The following TNFAIP6 variants were observed in gnomAD, a reference collection of about 807,000 sequenced individuals.
TNFAIP6 encodes tumor necrosis factor-inducible gene 6 protein.
In TNFAIP6, 36 loss-of-function variants were observed where a neutral mutation model predicts 33.7. That is an observed-to-expected ratio of 1.07 (90% CI 0.82 to 1.41). The LOEUF is 1.41. TNFAIP6 is among the 40% of genes most tolerant of loss of function. TNFAIP6 has a pLI of 0.00. For synonymous variants in TNFAIP6, 113 were observed against 112.8 expected (o/e 1.00, Z -0.01); for missense variants, 273 against 331.9 (o/e 0.82, Z 1.38).
chr2:151,363,861 A>G, intron 1 of TNFAIP6, 82 bp from the exon 2 acceptor site: 1 of 1,529,886 alleles, frequency 6.5e-7, no homozygotes, highest in South Asian at 1.2e-5. Context: ...AGCTGTTGTA[A>G]TCTTCCAGCT....
chr2:151,370,610 TACTTATTA>T (rs1320821589), intron 4 of TNFAIP6, among the ~76,000 whole-genome samples: 2 of 152,134 alleles, frequency 1.3e-5, no homozygotes, highest in African/African-American at 2.4e-5. Flanking sequence ...GACTATAACA[TACTTATTA>T]AAGTAGTGAG....
intron 5 of TNFAIP6, among the ~76,000 whole-genome samples, chr2:151,375,125 CAAAAAAAAAAAA>C (rs71403161): frequency 2.5e-5 from 2 of 78,932 alleles, no homozygotes; most frequent in Non-Finnish European, 4.6e-5. Flanking sequence ...AACTCCGTCT[CAAAAAAAAAAAA>C]AAAAAAAAAG....
At chr2:151,372,316 G>A (rs1018382390) in intron 4 of TNFAIP6, 5 of 152,056 alleles carry the variant, frequency 3.3e-5, no homozygotes, top group Non-Finnish European at 7.4e-5. Flanking sequence ...GTCTTTAGGA[G>A]GTTTGAACAG....
At chr2:151,366,310 A>C (rs1219694555) in intron 3 of TNFAIP6, 93 bp downstream of exon 3, 5 of 1,201,490 alleles carry the variant, frequency 4.2e-6, no homozygotes, top group East Asian at 2.5e-5. Context: ...TTCCAGAAAT[A>C]ATTGATTTTG....
At chr2:151,362,213 G>A (rs549310475) in intron 1 of TNFAIP6, among the ~76,000 whole-genome samples, 232 of 152,234 alleles carry the variant, frequency 1.5e-3, no homozygotes, top group African/African-American at 5.4e-3. Flanking sequence ...TTCTATGGTA[G>A]AAGGGACTCC....
chr2:151,361,659 C>G (rs555964359), intron 1 of TNFAIP6, among the ~76,000 whole-genome samples: 14 of 152,324 alleles, frequency 9.2e-5, no homozygotes, highest in African/African-American at 3.4e-4. Context: ...AAAATATTCA[C>G]TAGTGTCCAA....
At chr2:151,375,996 A>T (rs892012985) in intron 5 of TNFAIP6, among the ~76,000 whole-genome samples, 1 of 152,194 alleles carries the variant, frequency 6.6e-6, no homozygotes, top group Non-Finnish European at 1.5e-5. Context: ...CTGTAATTCT[A>T]GCATTTTGTG....
rs753174763 is a variant in TNFAIP6, at chr2:151,366,109, A to G, written c.286A>G (p.Ile96Val). Residue 96 changes from isoleucine (I) to valine (V), a missense_variant, in exon 3 of 6, where the codon ATT becomes GTT. By Grantham distance (29) the Ile-to-Val change is conservative. Transcript: ENST00000243347. ...WMAKGRVGYP[I>V]VKPGPNCGFG... ...GGCTAAGGGCAGAGTTGGATACCCC[A>G]TTGTGAAGCCAGGGCCCAACTGTGG... is the stretch of plus-strand genomic sequence containing the variant. 2.5e-6 allele frequency: 4 copies of G among 1,614,126 alleles called. No individual in the cohort carries two copies. In the South Asian group the frequency reaches 3.3e-5, roughly 13 times the overall value.
At chr2:151,363,037 C>T (rs981315478) in intron 1 of TNFAIP6, among the ~76,000 whole-genome samples, 5 of 152,108 alleles carry the variant, frequency 3.3e-5, no homozygotes, top group Admixed American at 6.5e-5. Flanking sequence ...TATTTTAGGC[C>T]GGACACGGAG....
At chr2:151,363,495 TA>T (rs11367357) in intron 1 of TNFAIP6, among the ~76,000 whole-genome samples, 130,542 of 140,028 alleles carry the variant, frequency 0.93, 61,160 homozygotes, top group Non-Finnish European at 0.99. Context: ...GTCGCTACTT[TA>T]AAAAAAAAAA....
At chr2:151,376,788 C>A (rs1266781669) in intron 5 of TNFAIP6, among the ~76,000 whole-genome samples, 2 of 151,336 alleles carry the variant, frequency 1.3e-5, no homozygotes, top group African/African-American at 2.4e-5. Flanking sequence ...CATTTTAAAA[C>A]CTCTGTCTTT....
rs552624698 is a variant in TNFAIP6 at position 151,379,616 on chromosome 2, C to A, written c.*83C>A. ...CCTTTGATCTCACTGTTATTATTAA[C>A]ATTTATTTATTATTTTTCTAAATGT... On this transcript the variant is annotated 3_prime_UTR_variant, in exon 6 of 6. Transcript: ENST00000243347. 1.0e-5 allele frequency: 10 copies of A among 973,030 alleles called. No individual in the cohort carries two copies. The South Asian group carries it at 3.5e-4, about 34-fold the overall frequency. 60.3% of individuals were successfully genotyped at this position (973,030 alleles called of 1,614,324 possible). A position where few individuals can be genotyped will look rare whatever the true frequency, so the allele number is the denominator to read the frequency against.
chr2:151,366,698 G>C (rs1308562125), intron 3 of TNFAIP6, among the ~76,000 whole-genome samples: 1 of 152,174 alleles, frequency 6.6e-6, no homozygotes, highest in Non-Finnish European at 1.5e-5. Context: ...GGGAAAAGGA[G>C]ACAAAGTAAA....
At chr2:151,365,041 C>A (rs1369602512) in intron 2 of TNFAIP6, among the ~76,000 whole-genome samples, 1 of 152,274 alleles carries the variant, frequency 6.6e-6, no homozygotes. Flanking sequence ...GAGAATTTAT[C>A]TTTATTCAAA....
At chr2:151,367,681 G>T (rs1177342050) in intron 3 of TNFAIP6, among the ~76,000 whole-genome samples, 1 of 152,104 alleles carries the variant, frequency 6.6e-6, no homozygotes, top group Non-Finnish European at 1.5e-5. Context: ...CAGAGAGGCT[G>T]AATACACTCT....
chr2:151,359,738 A>C (rs1346032471), intron 1 of TNFAIP6, among the ~76,000 whole-genome samples: 1 of 152,178 alleles, frequency 6.6e-6, no homozygotes, highest in Non-Finnish European at 1.5e-5. Context: ...GTTGGGCCAC[A>C]TTCAAAGCCG....
intron 1 of TNFAIP6, among the ~76,000 whole-genome samples, chr2:151,363,517 C>T (rs1209398505): frequency 6.6e-6 from 1 of 150,922 alleles, no homozygotes; most frequent in Non-Finnish European, 1.5e-5. Context: ...AAAAAATTAG[C>T]CAGGCGTGAT....
Position 151,379,652 on chromosome 2 carries a change from C to T in TNFAIP6, c.*119C>T. On this transcript the variant is annotated 3_prime_UTR_variant, in exon 6 of 6. Coordinates refer to ENST00000243347, the MANE Select transcript of TNFAIP6 (RefSeq NM_007115.4). Reference sequence around the variant, plus strand: ...TATTTTTCTAAATGTGAAAGCAATACATAATTTAGGGAAAATTGGAAAATA... The same window carrying T: ...TATTTTTCTAAATGTGAAAGCAATATATAATTTAGGGAAAATTGGAAAATA... 1.2e-6 allele frequency: 1 copy of T among 823,702 alleles called. No individual in the cohort carries two copies. Among genetic ancestry groups the T allele is most frequent in the Non-Finnish European group, 1.7e-6 (1 of 603,180 alleles). The allele number at this position is 823,702 out of a possible 1,614,324, so 51.0% of individuals were successfully genotyped here. A position where few individuals can be genotyped will look rare whatever the true frequency, so the allele number is the denominator to read the frequency against.
intron 3 of TNFAIP6, chr2:151,368,216 T>A (rs2152015261): frequency 6.5e-6 from 1 of 153,914 alleles, no homozygotes; most frequent in South Asian, 2.0e-4. Context: ...ATTTTATCCT[T>A]AGAATAACCC....
Sources: allele counts gnomAD v4.1 joint callset (sites outside exome capture counted in the v4.1 genomes callset), GRCh38; gene constraint gnomAD v4.1.1; transcripts MANE v1.5; gene names NCBI Gene and HGNC (gene_info 2026-07-23, HGNC 2026-07-21).